Variants in SETBP1 observed in about 807,000 individuals in gnomAD.
SETBP1 encodes SET binding protein 1.
Under a neutral mutation model 101.0 loss-of-function variants are expected in SETBP1, and 9 were observed. The ratio of observed to expected loss-of-function variants is 0.09; its 90% CI spans 0.05 to 0.16. The LOEUF (loss-of-function observed/expected upper bound fraction) is 0.16, where lower values mean the gene tolerates loss of function less well. Ranked by LOEUF, SETBP1 falls within the 10% of genes least tolerant of loss-of-function variation. SETBP1 has a pLI of 1.00. For synonymous variants in SETBP1, 818 were observed against 788.5 expected, an observed-to-expected ratio of 1.04 and a Z score of -0.63; for missense variants, 1,858 against 2,033.8, an observed-to-expected ratio of 0.91 and a Z score of 1.66.
Position 45,052,703 on chromosome 18 carries a change from A to T in SETBP1, c.4172-10376A>T, listed in dbSNP as rs144901140. On this transcript the variant is annotated intron_variant, in intron 5 of 5. Coordinates refer to ENST00000649279, the MANE Select transcript of SETBP1 (RefSeq NM_015559.3). ...GAGAAAGTCGAAAGCAATTGGTGTG[A>T]ATTGCTTGTTGTTTTTAGGGAGAAT... Among the ~76,000 whole-genome samples the T allele has an allele frequency of 1.2e-3, 181 of 152,324 alleles. No homozygotes were observed. The East Asian group carries it at 0.024, about 20-fold the overall frequency.
chr18:44,682,206 G>T (rs758387443), intron 1 of SETBP1, among the ~76,000 whole-genome samples: 2 of 152,190 alleles, frequency 1.3e-5, no homozygotes, highest in Non-Finnish European at 2.9e-5. Flanking sequence ...TATATCTCCT[G>T]TGCCCCATCC....
intron 4 of SETBP1, chr18:44,987,305 G>A (rs895806800): frequency 6.6e-6 from 1 of 152,162 alleles, no homozygotes; most frequent in Non-Finnish European, 1.5e-5. Context: ...CCACTCTCTA[G>A]TCACACATGT....
intron 4 of SETBP1, among the ~76,000 whole-genome samples, chr18:45,034,996 G>A (rs2073367745): frequency 6.6e-6 from 1 of 150,592 alleles, no homozygotes; most frequent in African/African-American, 2.4e-5. Context: ...CGTTTCAAAT[G>A]CCCCCCCCGC....
At chr18:45,027,061 A>C (rs1222667068) in intron 4 of SETBP1, among the ~76,000 whole-genome samples, 6 of 152,174 alleles carry the variant, frequency 3.9e-5, no homozygotes, top group Non-Finnish European at 8.8e-5. Flanking sequence ...ATTCTAAATG[A>C]TGTCATTGGA....
At chr18:44,844,208 C>T (rs1050730014) in intron 2 of SETBP1, among the ~76,000 whole-genome samples, 1 of 152,094 alleles carries the variant, frequency 6.6e-6, no homozygotes, top group African/African-American at 2.4e-5. Context: ...CAGCTGTGTG[C>T]TGTTTGATTT....
chr18:44,782,834 C>A (rs144449208), intron 2 of SETBP1, among the ~76,000 whole-genome samples: 6 of 152,242 alleles, frequency 3.9e-5, no homozygotes, highest in African/African-American at 1.4e-4. Flanking sequence ...AGACAGCATG[C>A]CAGGGTGATC....
intron 2 of SETBP1, among the ~76,000 whole-genome samples, chr18:44,850,423 T>G (rs1207760128): frequency 1.3e-5 from 2 of 151,996 alleles, no homozygotes; most frequent in Non-Finnish European, 2.9e-5. Context: ...CAGGCTGGAA[T>G]GCAGTGGTGG....
rs903391496 is a variant in SETBP1, at chr18:44,757,704, A to G, written c.486+55872A>G. On this transcript the variant is annotated intron_variant, in intron 2 of 5. Transcript: ENST00000649279. ...TATTTAGCAGATAATGAAATTGGAG[A>G]TTTAGAGAGATTAAACGACTTGTCT... 2.6e-5 allele frequency among the ~76,000 whole-genome samples: 4 copies of G among 152,120 alleles called. No homozygotes were observed. The South Asian group carries it at 8.3e-4, about 32-fold the overall frequency.
At chr18:45,016,783 AC>A (rs2072953779) in intron 4 of SETBP1, among the ~76,000 whole-genome samples, 1 of 97,260 alleles carries the variant, frequency 1.0e-5, no homozygotes, top group Non-Finnish European at 2.1e-5. Flanking sequence ...CTCTCACTCC[AC>A]CCCCACCCCT....
At chr18:44,882,686 T>A (rs1182157961) in intron 3 of SETBP1, among the ~76,000 whole-genome samples, 4 of 151,908 alleles carry the variant, frequency 2.6e-5, no homozygotes, top group Non-Finnish European at 4.4e-5. Context: ...CAAGGATGGG[T>A]CAGGTCCTAT....
intron 2 of SETBP1, among the ~76,000 whole-genome samples, chr18:44,831,491 G>C (rs542251962): frequency 2.4e-4 from 37 of 152,218 alleles, no homozygotes; most frequent in African/African-American, 8.7e-4. Flanking sequence ...AATTACATTA[G>C]ACTCAGATAT....
Position 44,952,839 on chromosome 18 carries a change from C to T in SETBP1, c.3499C>T (p.His1167Tyr). The change falls in exon 4 of 6, where the codon CAT becomes TAT. Residue 1167 changes from histidine (H) to tyrosine (Y), a missense_variant. His to Tyr is a moderately conservative substitution (Grantham distance 83). Coordinates refer to ENST00000649279, the MANE Select transcript of SETBP1 (RefSeq NM_015559.3). ...KHKEDRILGT[H>Y]DNLSGLFAGK... Reference sequence around the variant, plus strand: ...CAAGGAAGACCGGATCCTAGGGACCCATGACAACCTGAGTGGTCTTTTTGC... The same window carrying T: ...CAAGGAAGACCGGATCCTAGGGACCTATGACAACCTGAGTGGTCTTTTTGC... The T allele has an allele frequency of 6.2e-7, 1 of 1,614,134 alleles. No individual in the cohort carries two copies. Among genetic ancestry groups the T allele is most frequent in the Non-Finnish European group, 8.5e-7 (1 of 1,180,048 alleles).
At chr18:44,910,818 C>G (rs2070290527) in intron 3 of SETBP1, among the ~76,000 whole-genome samples, 1 of 152,180 alleles carries the variant, frequency 6.6e-6, no homozygotes, top group African/African-American at 2.4e-5. Context: ...TGCCTCCCCA[C>G]AGGGAAATCA....
chr18:45,009,043 G>A (rs956263647), intron 4 of SETBP1, among the ~76,000 whole-genome samples: 1 of 152,094 alleles, frequency 6.6e-6, no homozygotes, highest in African/African-American at 2.4e-5. Flanking sequence ...TGCTGTGGTG[G>A]CAACATGACT....
At position 45,066,645 on chromosome 18, in the gene SETBP1, C is replaced by T. The variant is rs1305838845; in HGVS notation, c.*2947C>T. The T allele has an allele frequency of 1.3e-5, 2 of 150,160 alleles. No individual in the cohort carries two copies. The highest frequency in any genetic ancestry group is 4.9e-5 in the African/African-American group (2 of 40,586). 9.3% of individuals were successfully genotyped at this position (150,160 alleles called of 1,614,324 possible). On this transcript the variant is annotated 3_prime_UTR_variant, in exon 6 of 6. Coordinates refer to ENST00000649279, the MANE Select transcript of SETBP1 (RefSeq NM_015559.3). ...CCTGATCGTGGAGGTCTCTGGCCCC[C>T]CAACACTGCCTTCTGGGGGCTGCAT...
At chr18:44,810,846 G>C (rs1371641842) in intron 2 of SETBP1, among the ~76,000 whole-genome samples, 1 of 152,196 alleles carries the variant, frequency 6.6e-6, no homozygotes, top group African/African-American at 2.4e-5. Flanking sequence ...ACTGGATGTT[G>C]CCTCACCCAG....
At chr18:44,746,828 G>A (rs370380908) in intron 2 of SETBP1, among the ~76,000 whole-genome samples, 133 of 152,326 alleles carry the variant, frequency 8.7e-4, no homozygotes, top group Non-Finnish European at 4.4e-4. Context: ...GTATGGCCGT[G>A]AGGACAATAG....
At chr18:44,938,781 C>A (rs1394757813) in intron 3 of SETBP1, among the ~76,000 whole-genome samples, 2 of 152,202 alleles carry the variant, frequency 1.3e-5, no homozygotes, top group African/African-American at 2.4e-5. Flanking sequence ...AAGCCACCAG[C>A]ACCTGTCTTC....
intron 3 of SETBP1, among the ~76,000 whole-genome samples, chr18:44,877,679 A>G (rs1168394806): frequency 6.6e-6 from 1 of 152,260 alleles, no homozygotes; most frequent in Non-Finnish European, 1.5e-5. Context: ...CCAAACTGAC[A>G]CTTTTACTCT....
Sources: allele counts gnomAD v4.1 joint callset (sites outside exome capture counted in the v4.1 genomes callset), GRCh38; gene constraint gnomAD v4.1.1; transcripts MANE v1.5; gene names NCBI Gene and HGNC (gene_info 2026-07-23, HGNC 2026-07-21).